ANKRD35: variants seen among roughly 807,000 people sequenced by gnomAD.
ANKRD35 encodes the protein ankyrin repeat domain 35, also known as ankyrin repeat domain-containing protein 35.
Under a neutral mutation model 109.9 loss-of-function variants are expected in ANKRD35, and 102 were observed. The observed-to-expected ratio is 0.93, with a 90% CI of 0.79 to 1.09. The LOEUF is 1.09. Ranked by LOEUF, ANKRD35 falls within the 50% of genes least tolerant of loss-of-function variation. The probability of loss-of-function intolerance (pLI) is 0.00; values close to 1 mark genes in which losing one functional copy is unlikely to be tolerated. For missense variants in ANKRD35, 1,240 were observed against 1,230.1 expected (o/e 1.01, Z -0.12); for synonymous variants, 515 against 512.4 (o/e 1.01, Z -0.07).
chr1:145,882,203 C>G (rs1347357622), intron 1 of ANKRD35, among the ~76,000 whole-genome samples: 1 of 151,880 alleles, frequency 6.6e-6, no homozygotes, highest in Non-Finnish European at 1.5e-5. Flanking sequence ...ATCTGCCCTC[C>G]TCGGCCTCCC....
At chr1:145,876,362 G>A (rs587773043) in intron 6 of ANKRD35, 116 bp from the exon 7 acceptor site, 2 of 1,168,170 alleles carry the variant, frequency 1.7e-6, no homozygotes, top group Admixed American at 2.1e-5. Context: ...CAGATCTTGG[G>A]TCTGAACACT....
At position 145,873,055 on chromosome 1, in the gene ANKRD35, T is replaced by G; in HGVS notation, c.1714A>C (p.Lys572Gln). Residue 572 changes from lysine to glutamine, a missense_variant, in exon 10 of 14, where the codon AAG becomes CAG. Coordinates refer to ENST00000355594, the MANE Select transcript of ANKRD35 (RefSeq NM_144698.5). The part of the protein sequence containing the change: ...PSQESREGAL[K>Q]AAPGSIKQDE... ...TGTTTGATGCTCCCTGGGGCTGCCTTTAGGGCTCCCTCTCTGGACTCCTGG... is the reference window on the plus strand; with the variant it reads ...TGTTTGATGCTCCCTGGGGCTGCCTGTAGGGCTCCCTCTCTGGACTCCTGG... 6.2e-7 allele frequency: 1 copy of G among 1,611,696 alleles called. No individual in the cohort carries two copies. Among genetic ancestry groups the G allele is most frequent in the Non-Finnish European group, 8.5e-7 (1 of 1,178,894 alleles).
rs376289425 is a variant in ANKRD35 at position 145,876,690 on chromosome 1, G to C, written c.383-51C>G. On this transcript the variant is annotated intron_variant, in intron 5 of 13. Coordinates refer to ENST00000355594, the MANE Select transcript of ANKRD35 (RefSeq NM_144698.5). ...GGGAAGCATGAAGAAAGCCTACTCAGACTATGACCCAACATCCCCTCCGAC... is the reference window on the plus strand; with the variant it reads ...GGGAAGCATGAAGAAAGCCTACTCACACTATGACCCAACATCCCCTCCGAC... 1,860 of 1,612,194 alleles carry C rather than the reference G, an allele frequency of 1.2e-3. 28 individuals carry two copies. The South Asian group carries it at 0.019, about 17-fold the overall frequency.
rs72995930 is a variant in ANKRD35 at position 145,867,829 on chromosome 1, C to G, written c.2943+162G>C. Among the ~76,000 whole-genome samples, 857 of 152,274 alleles carry G rather than the reference C, an allele frequency of 5.6e-3. 5 individuals carry two copies. The highest frequency in any genetic ancestry group is 0.024 in the East Asian group (124 of 5,180). ...TCCTTCTCACATTCATGCACAACCT[C>G]TCTTGATCTACCAAATGAGATCAGA... On this transcript the variant is annotated intron_variant, in intron 12 of 13. Transcript: ENST00000355594.
intron 6 of ANKRD35, 36 bp from the exon 7 acceptor site, chr1:145,876,282 AG>A: frequency 6.3e-7 from 1 of 1,582,278 alleles, no homozygotes; most frequent in South Asian, 1.1e-5. Flanking sequence ...ATGAGCAGCC[AG>A]GGACTGCAGA....
chr1:145,872,439 G>C lies in ANKRD35; in HGVS notation c.2330C>G (p.Pro777Arg), dbSNP rs1653866498. 5.0e-6 allele frequency: 8 copies of C among 1,610,158 alleles called. No individual in the cohort carries two copies. Among genetic ancestry groups the C allele is most frequent in the Non-Finnish European group, 6.8e-6 (8 of 1,178,682 alleles). Residue 777 changes from proline (P) to arginine (R), a missense_variant, in exon 10 of 14, where the codon CCC becomes CGC. Transcript: ENST00000355594. ...PGTSLKAPASPQVAALEQDLG... is the reference protein window; with the variant it reads ...PGTSLKAPASRQVAALEQDLG... ...GTCTTGCTCCAGAGCGGCCACTTGG[G>C]GGGATGCTGGGGCCTTTAAGGAGGT...
At position 145,867,276 on chromosome 1, in the gene ANKRD35, C is replaced by G; in HGVS notation, c.*43+11G>C. 1 of 1,563,466 alleles carries G rather than the reference C, an allele frequency of 6.4e-7. No homozygotes were observed. Among genetic ancestry groups the G allele is most frequent in the Non-Finnish European group, 8.8e-7 (1 of 1,134,610 alleles). On this transcript the variant is annotated intron_variant, in intron 13 of 13. Coordinates refer to ENST00000355594, the MANE Select transcript of ANKRD35 (RefSeq NM_144698.5). ...AACTCCTTCCCTCATCACCCTTAAC[C>G]CACAACTCACAACAGAGAATCTCGT...
intron 1 of ANKRD35, among the ~76,000 whole-genome samples, chr1:145,882,031 T>C (rs1570808716): frequency 1.4e-5 from 2 of 141,826 alleles, no homozygotes; most frequent in African/African-American, 5.2e-5. Flanking sequence ...CTCGGCTCAC[T>C]GCAACCTCCA....
At chr1:145,876,990 G>A in intron 4 of ANKRD35, 117 bp from the exon 5 acceptor site, 1 of 1,021,482 alleles carries the variant, frequency 9.8e-7, no homozygotes, top group Non-Finnish European at 1.5e-6. Context: ...GGTCCACTTT[G>A]GAGAAGGCTA....
chr1:145,874,218 G>A (rs1653974211), intron 8 of ANKRD35, 26 bp from the exon 9 acceptor site: 1 of 1,612,650 alleles, frequency 6.2e-7, no homozygotes, highest in African/African-American at 1.3e-5. Flanking sequence ...TGAGGAAAAT[G>A]AGAGAGAAGA....
At chr1:145,881,055 A>G (rs1654267738) in intron 1 of ANKRD35, among the ~76,000 whole-genome samples, 1 of 152,260 alleles carries the variant, frequency 6.6e-6, no homozygotes. Context: ...GGAGGCCAAG[A>G]CGGGTGGATC....
intron 1 of ANKRD35, among the ~76,000 whole-genome samples, chr1:145,885,067 G>T (rs1654427736): frequency 6.6e-6 from 1 of 152,214 alleles, no homozygotes; most frequent in Non-Finnish European, 1.5e-5. Context: ...AGAACAGAAG[G>T]TTGCTGTTGT....
chr1:145,876,358 T>C, intron 6 of ANKRD35, 112 bp from the exon 7 acceptor site: 1 of 1,210,450 alleles, frequency 8.3e-7, no homozygotes, highest in Non-Finnish European at 1.2e-6. Flanking sequence ...AGCCCAGATC[T>C]TGGGTCTGAA....
Position 145,867,993 on chromosome 1 carries a change from G to A in ANKRD35, c.2941C>T (p.Arg981Trp), listed in dbSNP as rs372450738. Residue 981 changes from arginine (R) to tryptophan (W), a missense_variant and splice_region_variant, in exon 12 of 14, where the codon CGG (arginine) becomes TGG (tryptophan). By Grantham distance (101) the Arg-to-Trp change is moderately radical. Coordinates refer to ENST00000355594, the MANE Select transcript of ANKRD35 (RefSeq NM_144698.5). ...CCTCAAAACTCCACCATGCTCACCCGAGCAGCATTCAGTAGATGATTCCTG... is the reference window on the plus strand; with the variant it reads ...CCTCAAAACTCCACCATGCTCACCCAAGCAGCATTCAGTAGATGATTCCTG... Reference protein sequence around the residue: ...TYRNHLLNAARGYMEHEVYNI... With the variant: ...TYRNHLLNAAWGYMEHEVYNI... The A allele has an allele frequency of 2.2e-5, 36 of 1,613,894 alleles. No homozygotes were observed. The highest frequency in any genetic ancestry group is 1.6e-4 in the Middle Eastern group (1 of 6,080).
At position 145,876,236 on chromosome 1, in the gene ANKRD35, G is replaced by C. The variant is rs1341067393; in HGVS notation, c.464C>G (p.Thr155Arg). The C allele has an allele frequency of 1.2e-5, 19 of 1,613,444 alleles. No individual in the cohort carries two copies. The highest frequency in any genetic ancestry group is 1.6e-5 in the Non-Finnish European group (19 of 1,179,672). ...ACCCAGCGATGCGATCATCAGGGGT[G>C]TACGTCCATCCTGCACAGATTGTAG... ...FLDVLDNDGR[T>R]PLMIASLGGH... is the part of the protein sequence containing the mutation. The change falls in exon 7 of 14, where the codon ACA (threonine) becomes AGA (arginine). Residue 155 changes from threonine (T) to arginine (R), a missense_variant. Thr to Arg is a moderately conservative substitution (Grantham distance 71, BLOSUM62 -1). Coordinates refer to ENST00000355594, the MANE Select transcript of ANKRD35 (RefSeq NM_144698.5).
Position 145,871,976 on chromosome 1 carries a change from G to T in ANKRD35, c.2787+6C>A. On this transcript the variant is annotated splice_donor_region_variant and intron_variant, in intron 10 of 13. Transcript: ENST00000355594. ...AGTGCTCCCCAGGGCTACCTCAGCT[G>T]CTCACCTTGGCTTCCTTGTCTCGGC... The T allele has an allele frequency of 6.2e-7, 1 of 1,609,010 alleles. No homozygotes were observed. Among genetic ancestry groups the T allele is most frequent in the Non-Finnish European group, 8.5e-7 (1 of 1,179,890 alleles).
In ANKRD35 at chr1:145,866,665, CATA is replaced by C. The variant is rs1653617112; in HGVS notation, c.*141_*143del. 1 of 152,410 alleles carries C rather than the reference CATA, an allele frequency of 6.6e-6. No homozygotes were observed. The highest frequency in any genetic ancestry group is 1.5e-5 in the Non-Finnish European group (1 of 68,282). The allele number at this position is 152,410 out of a possible 1,614,324, so 9.4% of individuals were successfully genotyped here. On this transcript the variant is annotated 3_prime_UTR_variant, in exon 14 of 14. Transcript: ENST00000355594. ...GGTCCAGGTTCTCAGGTCTGAGGTC[CATA>C]ATGTCAGGTGAAGCCCTGCCCATAC...
rs782013000 is a variant in ANKRD35, at chr1:145,873,111, G to T, written c.1658C>A (p.Ala553Glu). ...AACCTCAGGTTTCACCTGTAGTCCT[G>T]CCTTTGCCCATTCCAGCCTTGCCAG... Reference protein sequence around the residue: ...RVLARLEWAKAGLQVKPEVPS... With the variant: ...RVLARLEWAKEGLQVKPEVPS... Residue 553 changes from alanine to glutamate, a missense_variant, in exon 10 of 14, where the codon GCA becomes GAA. Coordinates refer to ENST00000355594, the MANE Select transcript of ANKRD35 (RefSeq NM_144698.5). 3 of 1,613,724 alleles carry T rather than the reference G, an allele frequency of 1.9e-6. No homozygotes were observed. The East Asian group carries it at 6.7e-5, about 36-fold the overall frequency.
chr1:145,876,394 T>A, intron 6 of ANKRD35, 148 bp from the exon 7 acceptor site: 1 of 1,112,534 alleles, frequency 9.0e-7, no homozygotes, highest in Non-Finnish European at 1.3e-6. Flanking sequence ...GGTTAGAAGC[T>A]CTCCAGAAGA....
Sources: allele counts gnomAD v4.1 joint callset (sites outside exome capture counted in the v4.1 genomes callset), GRCh38; gene constraint gnomAD v4.1.1; transcripts MANE v1.5; gene names NCBI Gene and HGNC (gene_info 2026-07-23, HGNC 2026-07-21).